The following PARP8 variants were observed in gnomAD, a reference collection of about 807,000 sequenced individuals.
The protein encoded by PARP8 is protein mono-ADP-ribosyltransferase PARP8.
PARP8 carries 51 observed loss-of-function variants against 124.1 expected under a neutral mutation model. That is an observed-to-expected ratio of 0.41 (90% CI 0.33 to 0.52). The LOEUF is 0.52. Ranked by LOEUF, PARP8 falls within the 20% of genes least tolerant of loss-of-function variation. PARP8 has a pLI of 0.21. For missense variants in PARP8, 860 were observed against 1,018.9 expected (o/e 0.84, Z 2.12); for synonymous variants, 391 against 361.5 (o/e 1.08, Z -0.93).
At chr5:50,721,447 G>C (rs1397524169) in intron 2 of PARP8, among the ~76,000 whole-genome samples, 1 of 151,556 alleles carries the variant, frequency 6.6e-6, no homozygotes, top group African/African-American at 2.4e-5. Flanking sequence ...CATGTATTTT[G>C]TAATTTATCT....
intron 2 of PARP8, among the ~76,000 whole-genome samples, chr5:50,675,828 A>G (rs1750565818): frequency 6.6e-6 from 1 of 152,208 alleles, no homozygotes; most frequent in Non-Finnish European, 1.5e-5. Context: ...TGCTTAAAAG[A>G]GTGATGTCAC....
At position 50,844,867 on chromosome 5, in the gene PARP8, A is replaced by T. The variant is rs1748499917; in HGVS notation, c.*2799A>T. The T allele has an allele frequency of 6.6e-6, 1 of 151,762 alleles. No homozygotes were observed. 9.4% of individuals were successfully genotyped at this position (151,762 alleles called of 1,614,324 possible). A position where few individuals can be genotyped will look rare whatever the true frequency, so the allele number is the denominator to read the frequency against. ...TGGAAAAAAGTAATAATATACAAAT[A>T]ATCTAGTGCTATAAAATGCATTATA... On this transcript the variant is annotated 3_prime_UTR_variant, in exon 26 of 26. Coordinates refer to ENST00000281631, the MANE Select transcript of PARP8 (RefSeq NM_024615.4).
chr5:50,790,750 C>T (rs749777685), intron 10 of PARP8, among the ~76,000 whole-genome samples: 1 of 152,000 alleles, frequency 6.6e-6, no homozygotes, highest in African/African-American at 2.4e-5. Context: ...GTTTAAGTAC[C>T]TAGTAACATA....
chr5:50,787,649 T>TA (rs1382326315), intron 9 of PARP8, among the ~76,000 whole-genome samples: 2 of 152,056 alleles, frequency 1.3e-5, no homozygotes, highest in African/African-American at 2.4e-5. Flanking sequence ...TTTTTACTCT[T>TA]CCATCTGAAA....
intron 2 of PARP8, among the ~76,000 whole-genome samples, chr5:50,739,863 C>G (rs1322562423): frequency 2.7e-5 from 4 of 150,512 alleles, no homozygotes; most frequent in African/African-American, 9.8e-5. Flanking sequence ...AATTCTCTGC[C>G]TCAGCCTCCC....
chr5:50,765,677 A>G (rs1760986576), intron 7 of PARP8, among the ~76,000 whole-genome samples: 1 of 152,202 alleles, frequency 6.6e-6, no homozygotes, highest in Non-Finnish European at 1.5e-5. Context: ...TGTAGAGGAT[A>G]TTTCCAAAAT....
At chr5:50,770,604 GAA>G (rs979541992) in intron 7 of PARP8, among the ~76,000 whole-genome samples, 7 of 150,442 alleles carry the variant, frequency 4.7e-5, no homozygotes, top group African/African-American at 1.7e-4. Flanking sequence ...GAAAGAAAAA[GAA>G]AGGAAGGAAG....
intron 2 of PARP8, among the ~76,000 whole-genome samples, chr5:50,687,050 A>G (rs2149453889): frequency 6.6e-6 from 1 of 152,320 alleles, no homozygotes; most frequent in Non-Finnish European, 1.5e-5. Flanking sequence ...ATTTCTCCTC[A>G]GAAAATGGGT....
At chr5:50,834,085 T>G (rs753014501) in intron 24 of PARP8, 37 bp downstream of exon 24, 21 of 1,442,830 alleles carry the variant, frequency 1.5e-5, no homozygotes, top group Admixed American at 1.0e-4. Flanking sequence ...TAGTGTTAGT[T>G]CCTAGCTCAT....
intron 2 of PARP8, among the ~76,000 whole-genome samples, chr5:50,683,615 T>A (rs1206493446): frequency 1.9e-5 from 2 of 106,182 alleles, no homozygotes; most frequent in Non-Finnish European, 4.3e-5. Context: ...TGACACATAT[T>A]TTCACAGTGT....
chr5:50,825,666 G>A (rs1445421873), intron 18 of PARP8, among the ~76,000 whole-genome samples: 1 of 151,952 alleles, frequency 6.6e-6, no homozygotes, highest in African/African-American at 2.4e-5. Flanking sequence ...CCCTTATAAG[G>A]GTTTTATACA....
At chr5:50,768,504 C>G (rs905991846) in intron 7 of PARP8, among the ~76,000 whole-genome samples, 3 of 152,098 alleles carry the variant, frequency 2.0e-5, no homozygotes, top group Non-Finnish European at 4.4e-5. Context: ...CAGAATGAAG[C>G]AATTTCGTTA....
chr5:50,810,246 T>C lies in PARP8; in HGVS notation c.1576-5186T>C, dbSNP rs1167453452. Among the ~76,000 whole-genome samples the C allele has an allele frequency of 5.3e-5, 8 of 152,136 alleles. No individual in the cohort carries two copies. In the East Asian group the frequency reaches 1.2e-3, roughly 22 times the overall value. On this transcript the variant is annotated intron_variant, in intron 14 of 25. Coordinates refer to ENST00000281631, the MANE Select transcript of PARP8 (RefSeq NM_024615.4). Reference sequence around the variant, plus strand: ...AGTGGTTAATTGCTTCCAGGCAATATAATATAATATTAAGAATAGGTAGTA... The same window carrying C: ...AGTGGTTAATTGCTTCCAGGCAATACAATATAATATTAAGAATAGGTAGTA...
intron 14 of PARP8, among the ~76,000 whole-genome samples, chr5:50,812,849 G>T (rs1744621010): frequency 6.6e-6 from 1 of 152,112 alleles, no homozygotes; most frequent in South Asian, 2.1e-4. Context: ...ATTAAATAAG[G>T]AATCCTTTCC....
chr5:50,792,255 A>C (rs896566243), intron 10 of PARP8, among the ~76,000 whole-genome samples: 4 of 152,186 alleles, frequency 2.6e-5, no homozygotes, highest in Non-Finnish European at 5.9e-5. Context: ...GTTCTCTATT[A>C]TAAGGAGGTG....
intron 10 of PARP8, among the ~76,000 whole-genome samples, chr5:50,793,688 A>G (rs1742212559): frequency 6.6e-6 from 1 of 152,144 alleles, no homozygotes; most frequent in Middle Eastern, 3.2e-3. Context: ...TTTTCTTTTT[A>G]TGTATGATTT....
At chr5:50,808,510 A>G (rs933270340) in intron 14 of PARP8, among the ~76,000 whole-genome samples, 2 of 152,026 alleles carry the variant, frequency 1.3e-5, no homozygotes, top group Admixed American at 6.6e-5. Flanking sequence ...GGGCTAGTTT[A>G]CAGTGGGTAT....
chr5:50,703,979 A>G (rs1753864430), intron 2 of PARP8, among the ~76,000 whole-genome samples: 1 of 152,208 alleles, frequency 6.6e-6, no homozygotes, highest in South Asian at 2.1e-4. Flanking sequence ...TATATACAGC[A>G]AGATATAAAA....
At chr5:50,714,410 TTC>T (rs1755086565) in intron 2 of PARP8, among the ~76,000 whole-genome samples, 1 of 152,128 alleles carries the variant, frequency 6.6e-6, no homozygotes, top group Admixed American at 6.6e-5. Context: ...TTATTTAATT[TTC>T]TGTTTTATTT....
Sources: gnomAD v4.1 joint callset for allele counts (sites outside exome capture counted in the v4.1 genomes callset) on GRCh38, gnomAD v4.1.1 for gene constraint, MANE v1.5 for transcripts, NCBI Gene and HGNC (gene_info 2026-07-23, HGNC 2026-07-21) for gene names.